The following DMRT1 variants were observed in gnomAD, a reference collection of about 807,000 sequenced individuals.
The protein encoded by DMRT1 is doublesex- and mab-3-related transcription factor 1.
A neutral mutation model predicts 32.3 loss-of-function variants in DMRT1; 7 were observed. That is an observed-to-expected ratio of 0.22 (90% CI 0.12 to 0.41). DMRT1 has a LOEUF of 0.41. Ranked by LOEUF, DMRT1 falls within the 10% of genes least tolerant of loss-of-function variation. The pLI is 1.00. For missense variants in DMRT1, 625 were observed against 500.5 expected (o/e 1.25, Z -2.37); for synonymous variants, 278 against 206.1 (o/e 1.35, Z -2.99).
chr9:925,974 G>A lies in DMRT1; in HGVS notation c.967+9067G>A, dbSNP rs115386188. 8.8e-3 allele frequency among the ~76,000 whole-genome samples: 1,340 copies of A among 152,272 alleles called. 18 individuals carry two copies. Among genetic ancestry groups the A allele is most frequent in the African/African-American group, 0.03 (1,249 of 41,526 alleles). ...GGTGGCTGTGATTGGGGTTGAGAGTGCACTTGGGAATGTTCTATTTGCAGG... is the reference window on the plus strand; with the variant it reads ...GGTGGCTGTGATTGGGGTTGAGAGTACACTTGGGAATGTTCTATTTGCAGG... On this transcript the variant is annotated intron_variant, in intron 4 of 4. Coordinates refer to ENST00000382276, the MANE Select transcript of DMRT1 (RefSeq NM_021951.3).
chr9:954,999 T>C (rs1231992290), intron 4 of DMRT1, among the ~76,000 whole-genome samples: 5 of 152,158 alleles, frequency 3.3e-5, no homozygotes, highest in Admixed American at 2.0e-4. Context: ...GAAAGAGATA[T>C]ACATTGTGAA....
chr9:921,041 C>G (rs371628429), intron 4 of DMRT1, among the ~76,000 whole-genome samples: 3 of 152,282 alleles, frequency 2.0e-5, no homozygotes, highest in East Asian at 1.9e-4. Flanking sequence ...CTAACATTAA[C>G]TATTAACCAT....
intron 4 of DMRT1, among the ~76,000 whole-genome samples, chr9:930,740 T>G (rs916805894): frequency 6.6e-6 from 1 of 151,288 alleles, no homozygotes; most frequent in Admixed American, 6.6e-5. Context: ...GACAGGTTCT[T>G]GCTATGTTGT....
At chr9:960,121 G>A (rs918742084) in intron 4 of DMRT1, among the ~76,000 whole-genome samples, 5 of 152,000 alleles carry the variant, frequency 3.3e-5, no homozygotes. Flanking sequence ...CAGTGGAGTC[G>A]GCTTGCCTGT....
At chr9:936,917 A>G (rs897661078) in intron 4 of DMRT1, among the ~76,000 whole-genome samples, 1 of 152,238 alleles carries the variant, frequency 6.6e-6, no homozygotes, top group Non-Finnish European at 1.5e-5. Context: ...ACAATCTTGT[A>G]TAACCATCAC....
chr9:863,540 G>T (rs939450278), intron 2 of DMRT1, among the ~76,000 whole-genome samples: 1 of 152,134 alleles, frequency 6.6e-6, no homozygotes, highest in African/African-American at 2.4e-5. Flanking sequence ...AGCAAGGAAT[G>T]GGACCTAGTC....
chr9:935,672 G>C (rs7858543), intron 4 of DMRT1, among the ~76,000 whole-genome samples: 5 of 152,114 alleles, frequency 3.3e-5, no homozygotes, highest in Non-Finnish European at 7.4e-5. Flanking sequence ...TCATGAATCA[G>C]TGTCGGGTTT....
At chr9:966,659 GCT>G (rs967318010) in intron 4 of DMRT1, among the ~76,000 whole-genome samples, 28 of 152,276 alleles carry the variant, frequency 1.8e-4, no homozygotes, top group African/African-American at 6.5e-4. Context: ...TTAAATCCTA[GCT>G]CTGTTCTTTT....
intron 4 of DMRT1, among the ~76,000 whole-genome samples, chr9:955,382 G>C (rs1002840232): frequency 3.3e-5 from 5 of 152,172 alleles, no homozygotes; most frequent in African/African-American, 1.2e-4. Context: ...GCAGGAAGAA[G>C]GGAAAGAAGG....
At chr9:906,403 CAT>C (rs1438778231) in intron 3 of DMRT1, among the ~76,000 whole-genome samples, 3 of 152,210 alleles carry the variant, frequency 2.0e-5, no homozygotes, top group Non-Finnish European at 4.4e-5. Context: ...TCTGACAGCT[CAT>C]GTGTGACATG....
chr9:862,218 C>A (rs984536369), intron 2 of DMRT1, among the ~76,000 whole-genome samples: 10 of 152,046 alleles, frequency 6.6e-5, no homozygotes, highest in African/African-American at 2.4e-4. Flanking sequence ...CAACACTGAG[C>A]ACTGAGTGAG....
chr9:906,620 G>A (rs986383003), intron 3 of DMRT1, among the ~76,000 whole-genome samples: 6 of 152,158 alleles, frequency 3.9e-5, no homozygotes, highest in South Asian at 2.1e-4. Flanking sequence ...GAACAGATAT[G>A]GATGCCTCTG....
At chr9:844,609 T>C (rs188512053) in intron 1 of DMRT1, among the ~76,000 whole-genome samples, 1 of 139,850 alleles carries the variant, frequency 7.2e-6, no homozygotes, top group Non-Finnish European at 1.5e-5. Flanking sequence ...AGTCGAAGAC[T>C]TTTTTTTGGC....
chr9:882,973 T>C (rs1392472068), intron 2 of DMRT1, among the ~76,000 whole-genome samples: 5 of 151,880 alleles, frequency 3.3e-5, no homozygotes, highest in Non-Finnish European at 7.4e-5. Context: ...GGTTTCACCA[T>C]GTTGGCCAGG....
intron 2 of DMRT1, among the ~76,000 whole-genome samples, chr9:858,847 C>G (rs539296193): frequency 2.7e-5 from 2 of 73,496 alleles, no homozygotes; most frequent in African/African-American, 8.1e-5. Context: ...GCACTCCAGT[C>G]TGTCTCAAAA....
intron 2 of DMRT1, among the ~76,000 whole-genome samples, chr9:852,083 G>A (rs1815165405): frequency 6.6e-6 from 1 of 151,718 alleles, no homozygotes; most frequent in South Asian, 2.1e-4. Context: ...GGGATTACAG[G>A]CGATCACCAC....
chr9:870,403 AAAC>A (rs141869596), intron 2 of DMRT1, among the ~76,000 whole-genome samples: 2 of 151,160 alleles, frequency 1.3e-5, no homozygotes, highest in African/African-American at 4.9e-5. Context: ...CTGTCTCAAA[AAAC>A]AACAACAATA....
intron 2 of DMRT1, among the ~76,000 whole-genome samples, chr9:864,193 T>A (rs7876021): frequency 0.014 from 925 of 64,418 alleles, 11 homozygotes; most frequent in African/African-American, 0.029. Flanking sequence ...TCTTTTAACT[T>A]CTTCTTCTTC....
chr9:858,652 TC>T (rs1303598319), intron 2 of DMRT1, among the ~76,000 whole-genome samples: 1 of 152,042 alleles, frequency 6.6e-6, no homozygotes. Context: ...GGCGGGCAGA[TC>T]ATCTGAGGTC....
Sources: allele counts gnomAD v4.1 joint callset (sites outside exome capture counted in the v4.1 genomes callset), GRCh38; gene constraint gnomAD v4.1.1; transcripts MANE v1.5; gene names NCBI Gene and HGNC (gene_info 2026-07-23, HGNC 2026-07-21).